The following DEPDC5 variants were observed in gnomAD, a reference collection of about 807,000 sequenced individuals.
The protein encoded by DEPDC5 is GATOR1 complex protein DEPDC5.
Under a neutral mutation model 217.3 loss-of-function variants are expected in DEPDC5, and 73 were observed. The ratio of observed to expected loss-of-function variants is 0.34; its 90% CI spans 0.28 to 0.41. The LOEUF is 0.41. DEPDC5 is among the 10% of genes least tolerant of loss of function. The probability of loss-of-function intolerance (pLI) is 1.00; values close to 1 mark genes in which losing one functional copy is unlikely to be tolerated. For synonymous variants in DEPDC5, 733 were observed against 756.7 expected, an observed-to-expected ratio of 0.97 and a Z score of 0.51; for missense variants, 1,675 against 2,070.1, an observed-to-expected ratio of 0.81 and a Z score of 3.70.
At chr22:31,829,058 C>T (rs1166006861) in intron 24 of DEPDC5, among the ~76,000 whole-genome samples, 1 of 152,196 alleles carries the variant, frequency 6.6e-6, no homozygotes, top group Admixed American at 6.5e-5. Context: ...AGCTGAGGCT[C>T]AGGTTCTTCA....
At chr22:31,826,072 T>C (rs563390476) in intron 24 of DEPDC5, among the ~76,000 whole-genome samples, 162 of 152,192 alleles carry the variant, frequency 1.1e-3, no homozygotes, top group African/African-American at 3.7e-3. Flanking sequence ...AGTGGTGCGA[T>C]CTCAGCTCTC....
At chr22:31,777,277 T>C (rs145023890) in intron 7 of DEPDC5, among the ~76,000 whole-genome samples, 5,445 of 150,428 alleles carry the variant, frequency 0.036, 114 homozygotes, top group South Asian at 0.064. Flanking sequence ...TTTTTTTTTT[T>C]TTTGAGACAG....
chr22:31,895,824 A>C (rs1004622562), intron 39 of DEPDC5, among the ~76,000 whole-genome samples: 2 of 151,726 alleles, frequency 1.3e-5, no homozygotes, highest in Admixed American at 6.6e-5. Flanking sequence ...CCTCCCTTGG[A>C]AAGACTCTCA....
intron 35 of DEPDC5, 138 bp downstream of exon 35, chr22:31,873,470 C>A: frequency 2.5e-6 from 2 of 798,068 alleles, no homozygotes; most frequent in Non-Finnish European, 1.9e-6. Flanking sequence ...AGTCACTTGA[C>A]CTCTCTGAGC....
intron 19 of DEPDC5, among the ~76,000 whole-genome samples, chr22:31,810,159 A>G (rs548290874): frequency 1.9e-4 from 29 of 152,124 alleles, no homozygotes; most frequent in Non-Finnish European, 3.7e-4. Context: ...TCTTTTCCAT[A>G]GGCCATTTGT....
At chr22:31,809,961 G>GAC (rs1338396215) in intron 19 of DEPDC5, among the ~76,000 whole-genome samples, 1 of 152,122 alleles carries the variant, frequency 6.6e-6, no homozygotes, top group Admixed American at 6.6e-5. Context: ...CAGGCTGGGT[G>GAC]ACAGAGCAAG....
chr22:31,758,446 TG>T, intron 2 of DEPDC5, 99 bp from the exon 3 acceptor site: 1 of 995,710 alleles, frequency 1.0e-6, no homozygotes, highest in Non-Finnish European at 1.6e-6. Context: ...GTCAATGGGG[TG>T]GCAATACCAT....
At chr22:31,861,829 G>A (rs1379539640) in intron 33 of DEPDC5, among the ~76,000 whole-genome samples, 1 of 152,204 alleles carries the variant, frequency 6.6e-6, no homozygotes, top group African/African-American at 2.4e-5. Context: ...ATAACAGTGT[G>A]GCAGGAAGTG....
intron 31 of DEPDC5, among the ~76,000 whole-genome samples, chr22:31,856,411 A>G (rs956352757): frequency 6.6e-6 from 1 of 152,198 alleles, no homozygotes; most frequent in Non-Finnish European, 1.5e-5. Flanking sequence ...ACAAGAAGTA[A>G]TATATATTAT....
rs1569183915 is a variant in DEPDC5 at position 31,879,046 on chromosome 22, AT to A, written c.3806-478del. On this transcript the variant is annotated intron_variant, in intron 37 of 42. Transcript: ENST00000651528. ...CTCCGTCTCAAAAAAAAAAAAAAAT[AT>A]ATATATATATATATATATATACACA... Among the ~76,000 whole-genome samples the A allele has an allele frequency of 4.2e-3, 514 of 121,000 alleles. 9 individuals are homozygous for A. The highest frequency in any genetic ancestry group is 0.016 in the African/African-American group (469 of 29,738). 79.4% of individuals were successfully genotyped at this position (121,000 alleles called of 152,430 possible). A position where few individuals can be genotyped will look rare whatever the true frequency, so the allele number is the denominator to read the frequency against.
At chr22:31,900,336 C>A (rs909547190) in intron 40 of DEPDC5, among the ~76,000 whole-genome samples, 2 of 151,974 alleles carry the variant, frequency 1.3e-5, no homozygotes, top group Non-Finnish European at 2.9e-5. Context: ...TGTGAGCCGC[C>A]GCACCTGGCC....
At chr22:31,847,798 A>G (rs753250415) in intron 31 of DEPDC5, among the ~76,000 whole-genome samples, 1 of 152,206 alleles carries the variant, frequency 6.6e-6, no homozygotes, top group Non-Finnish European at 1.5e-5. Context: ...ATTTCAAAAC[A>G]CAGTCATGCC....
intron 2 of DEPDC5, 41 bp from the exon 3 acceptor site, chr22:31,758,505 A>G: frequency 1.3e-6 from 2 of 1,566,214 alleles, no homozygotes; most frequent in Non-Finnish European, 1.8e-6. Flanking sequence ...AGTGTACCTA[A>G]TGAGTGTTTT....
intron 24 of DEPDC5, among the ~76,000 whole-genome samples, chr22:31,825,995 A>AG (rs1241569504): frequency 6.6e-6 from 1 of 151,968 alleles, no homozygotes; most frequent in African/African-American, 2.4e-5. Flanking sequence ...CTTTATCATG[A>AG]AGAGATTGAA....
intron 10 of DEPDC5, among the ~76,000 whole-genome samples, chr22:31,786,124 G>T (rs1280362814): frequency 1.3e-5 from 2 of 151,952 alleles, no homozygotes; most frequent in African/African-American, 2.4e-5. Context: ...AGGCGTGGTG[G>T]TTGGTGCCTG....
intron 21 of DEPDC5, among the ~76,000 whole-genome samples, chr22:31,818,406 A>C (rs992389780): frequency 6.6e-6 from 1 of 152,138 alleles, no homozygotes; most frequent in African/African-American, 2.4e-5. Flanking sequence ...CATGATTATC[A>C]ACATTGGTCT....
Position 31,810,603 on chromosome 22 carries a change from G to T in DEPDC5, c.1407G>T (p.Leu469=). ...YDAYDAQVFR[L]PGPSRAQCLT... is the part of the protein sequence containing the mutation. ...CCTATGACGCTCAAGTGTTCAGGCT[G>T]CCCGGCCCATCCCGGGCCCAGTGCC... The change falls in exon 20 of 43, where the codon CTG becomes CTT. Residue 469 remains leucine, a synonymous_variant. Transcript: ENST00000651528. 1 of 1,614,170 alleles carries T rather than the reference G, an allele frequency of 6.2e-7. No homozygotes were observed. Among genetic ancestry groups the T allele is most frequent in the South Asian group, 1.1e-5 (1 of 91,078 alleles).
intron 25 of DEPDC5, among the ~76,000 whole-genome samples, chr22:31,835,793 G>A (rs2090949540): frequency 6.6e-6 from 1 of 151,750 alleles, no homozygotes; most frequent in Admixed American, 6.6e-5. Flanking sequence ...CCTGTGTAGA[G>A]CATGAATTAG....
In DEPDC5 at chr22:31,857,430, T is replaced by A; in HGVS notation, c.3156-15T>A. On this transcript the variant is annotated splice_polypyrimidine_tract_variant and intron_variant, in intron 31 of 42. Transcript: ENST00000651528. ...CTCTGAGCAAGCTGCTGTCATGTGC[T>A]TTTCCTCCTTTCAGGTGCCTGGGAG... is the stretch of plus-strand genomic sequence containing the variant. 1 of 1,585,822 alleles carries A rather than the reference T, an allele frequency of 6.3e-7. No homozygotes were observed. Among genetic ancestry groups the A allele is most frequent in the Admixed American group, 1.8e-5 (1 of 55,838 alleles).
Sources: gnomAD v4.1 joint callset for allele counts (sites outside exome capture counted in the v4.1 genomes callset) on GRCh38, gnomAD v4.1.1 for gene constraint, MANE v1.5 for transcripts, NCBI Gene and HGNC (gene_info 2026-07-23, HGNC 2026-07-21) for gene names.